Variants in IARS2 observed in about 807,000 individuals in gnomAD.
The protein encoded by IARS2 is isoleucine--tRNA ligase, mitochondrial.
Under a neutral mutation model 126.3 loss-of-function variants are expected in IARS2, and 56 were observed. That is an observed-to-expected ratio of 0.44 (90% CI 0.36 to 0.55). IARS2 has a LOEUF of 0.55. Ranked by LOEUF, IARS2 falls within the 20% of genes least tolerant of loss-of-function variation. IARS2 has a pLI of 0.00. For missense variants in IARS2, 1,127 were observed against 1,245.9 expected, an observed-to-expected ratio of 0.90 and a Z score of 1.44; for synonymous variants, 407 against 441.1, an observed-to-expected ratio of 0.92 and a Z score of 0.97.
intron 21 of IARS2, chr1:220,144,382 A>G (rs1339428911): frequency 8.2e-6 from 5 of 609,140 alleles, no homozygotes; most frequent in Admixed American, 2.9e-5. Context: ...TGGAAGAGCT[A>G]TTTTTTAAAA....
At chr1:220,104,892 A>G (rs759184608) in intron 8 of IARS2, among the ~76,000 whole-genome samples, 2 of 152,170 alleles carry the variant, frequency 1.3e-5, no homozygotes, top group Non-Finnish European at 2.9e-5. Flanking sequence ...TAAAAAATCT[A>G]TCACATGAAT....
At chr1:220,115,129 A>C (rs1170109786) in intron 12 of IARS2, among the ~76,000 whole-genome samples, 1 of 152,146 alleles carries the variant, frequency 6.6e-6, no homozygotes, top group Non-Finnish European at 1.5e-5. Flanking sequence ...CAGCACATAC[A>C]TATGTTTATA....
At chr1:220,119,828 T>C (rs548753814) in intron 12 of IARS2, among the ~76,000 whole-genome samples, 1 of 152,252 alleles carries the variant, frequency 6.6e-6, no homozygotes, top group African/African-American at 2.4e-5. Flanking sequence ...TAGTTCCTTG[T>C]GTATGAAAAT....
At chr1:220,095,135 C>A (rs1656411306) in intron 1 of IARS2, among the ~76,000 whole-genome samples, 1 of 152,206 alleles carries the variant, frequency 6.6e-6, no homozygotes, top group Non-Finnish European at 1.5e-5. Flanking sequence ...GCCTCCCAGG[C>A]TCAGGCAATT....
intron 10 of IARS2, among the ~76,000 whole-genome samples, chr1:220,108,511 G>T (rs1048363086): frequency 6.6e-6 from 1 of 151,276 alleles, no homozygotes; most frequent in Non-Finnish European, 1.5e-5. Context: ...TCAGTCTCTC[G>T]AGTAGCTGGG....
At chr1:220,108,734 G>C (rs965947508) in intron 10 of IARS2, among the ~76,000 whole-genome samples, 10 of 151,578 alleles carry the variant, frequency 6.6e-5, no homozygotes, top group Non-Finnish European at 1.2e-4. Context: ...GGCCAGGCTG[G>C]TCTCAAACTC....
chr1:220,122,904 A>T (rs1401278367), intron 12 of IARS2, among the ~76,000 whole-genome samples: 1 of 151,284 alleles, frequency 6.6e-6, no homozygotes, highest in East Asian at 1.9e-4. Context: ...TTTACTCTTT[A>T]CCTAAACTTG....
intron 10 of IARS2, among the ~76,000 whole-genome samples, chr1:220,110,307 G>A (rs558846698): frequency 7.2e-5 from 11 of 151,882 alleles, no homozygotes; most frequent in Non-Finnish European, 1.6e-4. Context: ...TGATCCTCTC[G>A]TCTCTGCCTC....
intron 10 of IARS2, 130 bp downstream of exon 10, chr1:220,107,281 G>A: frequency 4.7e-6 from 3 of 637,250 alleles, no homozygotes; most frequent in Non-Finnish European, 8.2e-6. Context: ...TTTGCCATAT[G>A]TTTTAAAATG....
chr1:220,112,555 CTTTTTTT>C (rs750583631), intron 11 of IARS2, among the ~76,000 whole-genome samples: 4 of 116,110 alleles, frequency 3.4e-5, no homozygotes, highest in African/African-American at 6.7e-5. Flanking sequence ...AAGATAAGCT[CTTTTTTT>C]TTTTTTTTTT....
chr1:220,123,713 G>A (rs1236557544), intron 12 of IARS2, among the ~76,000 whole-genome samples: 4 of 152,110 alleles, frequency 2.6e-5, no homozygotes, highest in East Asian at 1.9e-4. Flanking sequence ...TCCTGAGCTC[G>A]TGATCCGCCC....
rs1156473383 is a variant in IARS2, at chr1:220,094,445, G to A, written c.229G>A (p.Gly77Ser). 6.2e-7 allele frequency: 1 copy of A among 1,611,032 alleles called. No homozygotes were observed. The highest frequency in any genetic ancestry group is 8.5e-7 in the Non-Finnish European group (1 of 1,179,050). The change falls in exon 1 of 23, where the codon GGC (glycine) becomes AGC (serine). Residue 77 changes from glycine to serine, a missense_variant. Coordinates refer to ENST00000366922, the MANE Select transcript of IARS2 (RefSeq NM_018060.4). ...GACGAGCTTCCCCATGAAGCTGCTG[G>A]GCCGCCAGCAGCCGGACACGGAGCT... is the stretch of plus-strand genomic sequence containing the variant. ...PQTSFPMKLLGRQQPDTELEI... is the reference protein window; with the variant it reads ...PQTSFPMKLLSRQQPDTELEI...
chr1:220,118,269 C>T (rs1376741595), intron 12 of IARS2: 1 of 444,280 alleles, frequency 2.3e-6, no homozygotes. Flanking sequence ...TCCTTTTGCT[C>T]ATCATGGGAG....
In IARS2 at chr1:220,094,238, C is replaced by G. The variant is rs770464072; in HGVS notation, c.22C>G (p.Arg8Gly). 11 of 1,594,156 alleles carry G rather than the reference C, an allele frequency of 6.9e-6. No individual in the cohort carries two copies. The highest frequency in any genetic ancestry group is 1.8e-4 in the Middle Eastern group (1 of 5,488). MRWGLRPRGPGAAALATA... is the reference protein window; with the variant it reads MRWGLRPGGPGAAALATA... ...GACCATGCGTTGGGGGCTGCGCCCTCGCGGGCCGGGCGCGGCCGCCCTGGC... is the reference window on the plus strand; with the variant it reads ...GACCATGCGTTGGGGGCTGCGCCCTGGCGGGCCGGGCGCGGCCGCCCTGGC... Residue 8 changes from arginine (R) to glycine (G), a missense_variant, in exon 1 of 23, where the codon CGC becomes GGC. Arg to Gly is a moderately radical substitution (Grantham distance 125). Transcript: ENST00000366922.
At chr1:220,142,075 C>A in intron 20 of IARS2, 127 bp downstream of exon 20, 1 of 858,732 alleles carries the variant, frequency 1.2e-6, no homozygotes. Context: ...CACAGTGTGT[C>A]TTGGTCATGT....
At chr1:220,134,566 A>G (rs1424956777) in intron 15 of IARS2, 56 bp downstream of exon 15, 67 of 1,074,964 alleles carry the variant, frequency 6.2e-5, no homozygotes, top group Non-Finnish European at 9.0e-5. Context: ...GTGAAGCACT[A>G]TGCTGAGTAC....
chr1:220,104,019 C>T (rs1656632732), intron 8 of IARS2, among the ~76,000 whole-genome samples: 2 of 152,220 alleles, frequency 1.3e-5, no homozygotes, highest in South Asian at 4.1e-4. Flanking sequence ...CTGTTGCCCA[C>T]TGCTGGAATG....
intron 2 of IARS2, among the ~76,000 whole-genome samples, chr1:220,099,376 C>T (rs1487371565): frequency 6.6e-6 from 1 of 152,090 alleles, no homozygotes; most frequent in Non-Finnish European, 1.5e-5. Flanking sequence ...ATCATTTCAA[C>T]ATACAGTCGA....
At chr1:220,100,368 A>G (rs867320420) in intron 2 of IARS2, 122 bp from the exon 3 acceptor site, 1 of 783,544 alleles carries the variant, frequency 1.3e-6, no homozygotes, top group Non-Finnish European at 2.0e-6. Context: ...AAAAAAAAGA[A>G]CATAAATTGT....
Sources: allele counts gnomAD v4.1 joint callset (sites outside exome capture counted in the v4.1 genomes callset), GRCh38; gene constraint gnomAD v4.1.1; transcripts MANE v1.5; gene names NCBI Gene and HGNC (gene_info 2026-07-23, HGNC 2026-07-21).